The following TOPAZ1 variants were observed in gnomAD, a reference collection of about 807,000 sequenced individuals.
TOPAZ1 encodes testis and ovary specific TOPAZ 1.
TOPAZ1 carries 66 observed loss-of-function variants against 172.2 expected under a neutral mutation model. That is an observed-to-expected ratio of 0.38 (90% CI 0.31 to 0.47). The LOEUF (loss-of-function observed/expected upper bound fraction) is 0.47, where lower values mean the gene tolerates loss of function less well. TOPAZ1 is among the 20% of genes least tolerant of loss of function. The probability of loss-of-function intolerance (pLI) is 0.99; values close to 1 mark genes in which losing one functional copy is unlikely to be tolerated. For synonymous variants in TOPAZ1, 681 were observed against 683.9 expected (o/e 1.00, Z 0.07); for missense variants, 1,822 against 1,972.4 (o/e 0.92, Z 1.44).
chr3:44,274,763 A>G (rs1699935108), intron 8 of TOPAZ1, among the ~76,000 whole-genome samples: 1 of 152,062 alleles, frequency 6.6e-6, no homozygotes, highest in Non-Finnish European at 1.5e-5. Flanking sequence ...CATGTTGGTC[A>G]GGCTGGTCTT....
chr3:44,328,562 TTATG>T lies in TOPAZ1; in HGVS notation c.4859+131_4859+134del, dbSNP rs1476408070. The T allele has an allele frequency of 1.6e-5, 7 of 440,566 alleles. No homozygotes were observed. The Admixed American group carries it at 2.7e-4, about 17-fold the overall frequency. The allele number at this position is 440,566 out of a possible 1,614,324, so 27.3% of individuals were successfully genotyped here. ...TTATGTATATATTTATATATGTACT[TTATG>T]TGTGTGTATTGCAAACTCTGATATC... On this transcript the variant is annotated intron_variant, in intron 19 of 19. Transcript: ENST00000309765.
Position 44,289,847 on chromosome 3 carries a change from C to G in TOPAZ1, c.3682-924C>G, listed in dbSNP as rs951693384. ...CAAAGCATACATTCTCCCAAACATT[C>G]AAAATATATTTTGATATTTAAGTAA... On this transcript the variant is annotated intron_variant, in intron 11 of 19. Transcript: ENST00000309765. Among the ~76,000 whole-genome samples the G allele has an allele frequency of 3.3e-5, 5 of 152,098 alleles. No individual in the cohort carries two copies. The East Asian group carries it at 9.6e-4, about 29-fold the overall frequency.
At chr3:44,271,759 A>G (rs544598887) in intron 8 of TOPAZ1, among the ~76,000 whole-genome samples, 1 of 152,260 alleles carries the variant, frequency 6.6e-6, no homozygotes, top group Admixed American at 6.5e-5. Context: ...TGTGGCAAGA[A>G]TATTTGAAAT....
intron 8 of TOPAZ1, among the ~76,000 whole-genome samples, chr3:44,275,222 C>A (rs1699940487): frequency 6.6e-6 from 1 of 151,974 alleles, no homozygotes; most frequent in South Asian, 2.1e-4. Context: ...ATTTCAAATT[C>A]TTCTAGCTAC....
At chr3:44,285,012 T>C (rs1700062690) in intron 9 of TOPAZ1, among the ~76,000 whole-genome samples, 1 of 152,234 alleles carries the variant, frequency 6.6e-6, no homozygotes, top group Admixed American at 6.5e-5. Context: ...GACATGAATA[T>C]TGTTTCTTCT....
At chr3:44,321,727 T>G (rs1700507629) in intron 17 of TOPAZ1, among the ~76,000 whole-genome samples, 1 of 152,226 alleles carries the variant, frequency 6.6e-6, no homozygotes, top group Non-Finnish European at 1.5e-5. Context: ...GGGCCTCCCC[T>G]CAGTACTTTC....
chr3:44,246,589 G>GC lies in TOPAZ1; in HGVS notation c.2765+1320dup, dbSNP rs1335698428. Among the ~76,000 whole-genome samples the GC allele has an allele frequency of 2.6e-5, 4 of 152,060 alleles. No individual in the cohort carries two copies. The East Asian group carries it at 5.8e-4, about 22-fold the overall frequency. ...ATGTAATGAGGTAGCCTGGTAATCTGCCTGTTTTGAAGATGGAAAAAAATG... is the reference window on the plus strand; with the variant it reads ...ATGTAATGAGGTAGCCTGGTAATCTGCCCTGTTTTGAAGATGGAAAAAAATG... On this transcript the variant is annotated intron_variant, in intron 2 of 19. Transcript: ENST00000309765.
intron 9 of TOPAZ1, among the ~76,000 whole-genome samples, chr3:44,282,346 T>C (rs1700032407): frequency 6.6e-6 from 1 of 152,222 alleles, no homozygotes; most frequent in Non-Finnish European, 1.5e-5. Flanking sequence ...AAGCTGACTC[T>C]TTCCTACTTC....
At chr3:44,332,993 G>GTT (rs112385784), downstream of TOPAZ1, among the ~76,000 whole-genome samples, 12 of 137,178 alleles carry the variant, frequency 8.7e-5, no homozygotes, top group African/African-American at 1.6e-4. Flanking sequence ...TTTTTTTGTG[G>GTT]TTTTTTTTTT....
intron 12 of TOPAZ1, among the ~76,000 whole-genome samples, chr3:44,296,076 A>G (rs955990900): frequency 2.0e-5 from 3 of 152,204 alleles, no homozygotes; most frequent in Non-Finnish European, 4.4e-5. Context: ...TAATAGGAAA[A>G]TCTCCAAACA....
chr3:44,256,025 C>T (rs1699699087), intron 3 of TOPAZ1, 126 bp from the exon 4 acceptor site: 1 of 554,032 alleles, frequency 1.8e-6, no homozygotes, highest in Non-Finnish European at 3.0e-6. Context: ...GAAAACTCTG[C>T]TTCATATTTG....
At chr3:44,324,406 T>TAC (rs1436237940) in intron 18 of TOPAZ1, among the ~76,000 whole-genome samples, 2 of 151,976 alleles carry the variant, frequency 1.3e-5, no homozygotes, top group Non-Finnish European at 2.9e-5. Flanking sequence ...CTAGAAACCA[T>TAC]ACACACACAC....
intron 16 of TOPAZ1, among the ~76,000 whole-genome samples, chr3:44,318,170 G>GACTGAT (rs1700470845): frequency 6.6e-6 from 1 of 152,120 alleles, no homozygotes; most frequent in Non-Finnish European, 1.5e-5. Context: ...ACTGAGGGGC[G>GACTGAT]GGCATGGTGG....
chr3:44,247,381 TGA>T (rs1699578410), intron 2 of TOPAZ1, among the ~76,000 whole-genome samples: 1 of 152,246 alleles, frequency 6.6e-6, no homozygotes, highest in Admixed American at 6.5e-5. Flanking sequence ...TCTAAAAGTT[TGA>T]GTTTTAGCTT....
At position 44,298,546 on chromosome 3, in the gene TOPAZ1, T is replaced by G. The variant is rs868737811; in HGVS notation, c.3798-5469T>G. Among the ~76,000 whole-genome samples, 29 of 152,130 alleles carry G rather than the reference T, an allele frequency of 1.9e-4. No homozygotes were observed. The Middle Eastern group carries it at 0.01, about 54-fold the overall frequency. ...AACAGTAATCAAGTAATTAAGAAAGTATGTTATTGGATGGAGGGAGAGAGA... is the reference window on the plus strand; with the variant it reads ...AACAGTAATCAAGTAATTAAGAAAGGATGTTATTGGATGGAGGGAGAGAGA... On this transcript the variant is annotated intron_variant, in intron 12 of 19. Transcript: ENST00000309765.
At chr3:44,270,240 A>G (rs1014017366) in intron 7 of TOPAZ1, among the ~76,000 whole-genome samples, 2 of 152,338 alleles carry the variant, frequency 1.3e-5, no homozygotes, top group East Asian at 1.9e-4. Flanking sequence ...AATATAGTGC[A>G]TATTATAATA....
At chr3:44,300,824 C>A (rs1700263976) in intron 12 of TOPAZ1, among the ~76,000 whole-genome samples, 2 of 147,934 alleles carry the variant, frequency 1.4e-5, no homozygotes, top group Non-Finnish European at 1.5e-5. Flanking sequence ...ATGTTCTTAG[C>A]AGCTTTAATT....
intron 12 of TOPAZ1, 54 bp from the exon 13 acceptor site, chr3:44,303,961 C>A: frequency 1.0e-6 from 1 of 1,003,656 alleles, no homozygotes; most frequent in Non-Finnish European, 1.5e-6. Flanking sequence ...TTAGAAGCAG[C>A]AGTGACTTTT....
chr3:44,304,100 TA>T lies in TOPAZ1; in HGVS notation c.3864+22del. Reference sequence around the variant, plus strand: ...ATTAGAGGTATGACATTTATTATTTTAAATACATTGCTGGGATCTCTGAAAA... The same window carrying T: ...ATTAGAGGTATGACATTTATTATTTTAATACATTGCTGGGATCTCTGAAAA... On this transcript the variant is annotated intron_variant, in intron 13 of 19. Transcript: ENST00000309765. 7.3e-7 allele frequency: 1 copy of T among 1,365,014 alleles called. No homozygotes were observed. Among genetic ancestry groups the T allele is most frequent in the East Asian group, 2.5e-5 (1 of 39,530 alleles). 84.6% of individuals were successfully genotyped at this position (1,365,014 alleles called of 1,614,324 possible).
Sources: gnomAD v4.1 joint callset for allele counts (sites outside exome capture counted in the v4.1 genomes callset) on GRCh38, gnomAD v4.1.1 for gene constraint, MANE v1.5 for transcripts, NCBI Gene and HGNC (gene_info 2026-07-23, HGNC 2026-07-21) for gene names.